The following SNAPC3 variants were observed in gnomAD, a reference collection of about 807,000 sequenced individuals.
SNAPC3 encodes the protein small nuclear RNA activating complex polypeptide 3.
Under a neutral mutation model 47.7 loss-of-function variants are expected in SNAPC3, and 56 were observed. The observed-to-expected ratio is 1.18, with a 90% CI of 0.95 to 1.47. SNAPC3 has a LOEUF of 1.47. Among genes scored for constraint, SNAPC3 ranks in the 40% most tolerant of loss-of-function variants. The pLI, the probability that SNAPC3 is intolerant of heterozygous loss-of-function variation, is 0.00. For synonymous variants in SNAPC3, 235 were observed against 189.9 expected, an observed-to-expected ratio of 1.24 and a Z score of -1.95; for missense variants, 665 against 511.3, an observed-to-expected ratio of 1.30 and a Z score of -2.90.
At chr9:15,448,619 T>C (rs928544032) in intron 5 of SNAPC3, among the ~76,000 whole-genome samples, 4 of 152,204 alleles carry the variant, frequency 2.6e-5, no homozygotes, top group Non-Finnish European at 4.4e-5. Flanking sequence ...ATATTCGTTT[T>C]TGGTGACTAG....
intron 8 of SNAPC3, 88 bp downstream of exon 8, chr9:15,458,155 T>C: frequency 4.4e-6 from 3 of 681,034 alleles, no homozygotes; most frequent in Non-Finnish European, 4.9e-6. Flanking sequence ...CTAAGAATAT[T>C]TGTACTTTAG....
intron 5 of SNAPC3, among the ~76,000 whole-genome samples, chr9:15,450,925 T>C (rs1242549664): frequency 2.0e-5 from 3 of 152,148 alleles, no homozygotes; most frequent in Non-Finnish European, 4.4e-5. Flanking sequence ...ACTGAAAATA[T>C]AAAGAGAGAA....
Position 15,423,051 on chromosome 9 carries a change from G to A in SNAPC3, c.172G>A (p.Ala58Thr). 1 of 1,518,154 alleles carries A rather than the reference G, an allele frequency of 6.6e-7. No homozygotes were observed. The highest frequency in any genetic ancestry group is 8.8e-7 in the Non-Finnish European group (1 of 1,140,486). The allele number at this position is 1,518,154 out of a possible 1,614,324, so 94.0% of individuals were successfully genotyped here. Reference protein sequence around the residue: ...GELWRGRLRGAGDLSLREPPA... With the variant: ...GELWRGRLRGTGDLSLREPPA... ...GCTGTGGCGGGGCCGTCTGCGCGGG[G>A]CCGGGGACTTGTCGCTGAGGGAGCC... The change falls in exon 1 of 9, where the codon GCC (alanine) becomes ACC (threonine). Residue 58 changes from alanine to threonine, a missense_variant. Physicochemically the swap from Ala to Thr is moderately conservative, Grantham distance 58. Transcript: ENST00000380821.
intron 3 of SNAPC3, among the ~76,000 whole-genome samples, chr9:15,443,274 A>T (rs980455362): frequency 2.0e-5 from 3 of 152,254 alleles, no homozygotes; most frequent in African/African-American, 7.2e-5. Flanking sequence ...TATTGCCTGT[A>T]GGAATAATTA....
At chr9:15,435,096 T>G (rs1441264270) in intron 3 of SNAPC3, among the ~76,000 whole-genome samples, 1 of 152,220 alleles carries the variant, frequency 6.6e-6, no homozygotes, top group African/African-American at 2.4e-5. Context: ...TTTTTTTTAA[T>G]AATAGCCATC....
At chr9:15,435,460 C>G in intron 3 of SNAPC3, among the ~76,000 whole-genome samples, 1 of 152,078 alleles carries the variant, frequency 6.6e-6, no homozygotes, top group Non-Finnish European at 1.5e-5. Flanking sequence ...GTAATCCCAG[C>G]TACTCGGGAG....
At chr9:15,464,678 TAAC>T (rs1300093305), downstream of SNAPC3, 1 of 198,264 alleles carries the variant, frequency 5.0e-6, no homozygotes, top group Non-Finnish European at 1.0e-5. Context: ...AAGACATTTT[TAAC>T]AACATTCCTC....
intron 3 of SNAPC3, among the ~76,000 whole-genome samples, chr9:15,441,187 C>CA (rs1554648986): frequency 1.4e-5 from 2 of 146,354 alleles, no homozygotes; most frequent in Non-Finnish European, 3.0e-5. Context: ...GCTGTAACGT[C>CA]TTTTTTTTTT....
chr9:15,459,332 A>G (rs539149677), intron 8 of SNAPC3, among the ~76,000 whole-genome samples: 10 of 152,364 alleles, frequency 6.6e-5, no homozygotes, highest in South Asian at 2.1e-4. Flanking sequence ...GCAAAAGTCT[A>G]TCAGATTTGT....
intron 6 of SNAPC3, among the ~76,000 whole-genome samples, chr9:15,451,970 T>A (rs1030459594): frequency 3.3e-5 from 5 of 150,168 alleles, no homozygotes; most frequent in African/African-American, 1.2e-4. Context: ...TTGCCCTTTT[T>A]AAAAAAAAAA....
At chr9:15,443,094 A>T (rs2033632594) in intron 3 of SNAPC3, among the ~76,000 whole-genome samples, 1 of 152,048 alleles carries the variant, frequency 6.6e-6, no homozygotes, top group South Asian at 2.1e-4. Context: ...TCAGGCAGGG[A>T]GGTTGCAGTG....
intron 3 of SNAPC3, among the ~76,000 whole-genome samples, chr9:15,440,675 C>T (rs369882705): frequency 1.3e-4 from 20 of 152,110 alleles, no homozygotes; most frequent in African/African-American, 4.6e-4. Context: ...CAGGGCCGGG[C>T]GCGGTGGCTC....
At chr9:15,453,359 C>A in intron 7 of SNAPC3, 154 bp downstream of exon 7, 1 of 537,110 alleles carries the variant, frequency 1.9e-6, no homozygotes, top group Non-Finnish European at 3.2e-6. Flanking sequence ...TCTTTCCATG[C>A]AAATACCAAC....
rs539583507 is a variant in SNAPC3, at chr9:15,442,120, C to T, written c.478-2482C>T. ...CTGGCCAGGCGGGGGCTGCCCCCCA[C>T]CTCCCTCCGGGACGGGGCGGCTGGC... On this transcript the variant is annotated intron_variant, in intron 3 of 8. Coordinates refer to ENST00000380821, the MANE Select transcript of SNAPC3 (RefSeq NM_001039697.2). Among the ~76,000 whole-genome samples the T allele has an allele frequency of 5.8e-3, 870 of 150,606 alleles. 29 individuals carry two copies. Among genetic ancestry groups the T allele is most frequent in the African/African-American group, 0.02 (820 of 40,840 alleles).
chr9:15,452,129 A>C (rs963430191), intron 6 of SNAPC3, among the ~76,000 whole-genome samples: 5 of 151,416 alleles, frequency 3.3e-5, no homozygotes, highest in Non-Finnish European at 7.4e-5. Flanking sequence ...TGCCCAGCTA[A>C]TTTTTGTATT....
At chr9:15,464,010 C>T (rs936751870), downstream of SNAPC3, 4 of 171,518 alleles carry the variant, frequency 2.3e-5, no homozygotes, top group African/African-American at 9.5e-5. Flanking sequence ...TGGCAGCAAA[C>T]CCAGAATTCC....
intron 2 of SNAPC3, among the ~76,000 whole-genome samples, chr9:15,430,639 A>G (rs2032018798): frequency 6.6e-6 from 1 of 152,206 alleles, no homozygotes; most frequent in South Asian, 2.1e-4. Context: ...AATACTTACT[A>G]GTGATGTTTA....
chr9:15,441,224 TTTCATTTTC>T (rs1240341833), intron 3 of SNAPC3, among the ~76,000 whole-genome samples: 1 of 151,450 alleles, frequency 6.6e-6, no homozygotes, highest in Non-Finnish European at 1.5e-5. Context: ...ATTTTTTTAA[TTTCATTTTC>T]TTCATTTTAT....
At chr9:15,431,338 C>T (rs1403111828) in intron 2 of SNAPC3, among the ~76,000 whole-genome samples, 1 of 152,198 alleles carries the variant, frequency 6.6e-6, no homozygotes, top group African/African-American at 2.4e-5. Context: ...CGCTCTTTCT[C>T]AGCCCTAGGG....
Sources: gnomAD v4.1 joint callset for allele counts (sites outside exome capture counted in the v4.1 genomes callset) on GRCh38, gnomAD v4.1.1 for gene constraint, MANE v1.5 for transcripts, NCBI Gene and HGNC (gene_info 2026-07-23, HGNC 2026-07-21) for gene names.